Variants in LPIN1 observed in about 807,000 individuals in gnomAD.
LPIN1 encodes phosphatidate phosphatase LPIN1.
A neutral mutation model predicts 107.5 loss-of-function variants in LPIN1; 71 were observed. The ratio of observed to expected loss-of-function variants is 0.66; its 90% CI spans 0.55 to 0.80. The LOEUF (loss-of-function observed/expected upper bound fraction) is 0.80. Ranked by LOEUF, LPIN1 falls within the 30% of genes least tolerant of loss-of-function variation. LPIN1 has a pLI of 0.00. For missense variants in LPIN1, 1,043 were observed against 1,160.6 expected (o/e 0.90, Z 1.47); for synonymous variants, 445 against 452.6 (o/e 0.98, Z 0.21).
Position 11,815,172 on chromosome 2 carries a change from G to C in LPIN1, c.2334G>C (p.Glu778Asp). The C allele has an allele frequency of 6.2e-7, 1 of 1,614,200 alleles. No individual in the cohort carries two copies. Among genetic ancestry groups the C allele is most frequent in the Non-Finnish European group, 8.5e-7 (1 of 1,180,016 alleles). ...MTRGYLHWVN[E>D]RGTVLPQGPL... is the part of the protein sequence containing the mutation. Reference sequence around the variant, plus strand: ...GGGGCTACCTGCACTGGGTCAACGAGAGGGGCACGGTGCTGCCCCAGGGGC... The same window carrying C: ...GGGGCTACCTGCACTGGGTCAACGACAGGGGCACGGTGCTGCCCCAGGGGC... The change falls in exon 18 of 21, where the codon GAG becomes GAC. Residue 778 changes from glutamate to aspartate, a missense_variant. Transcript: ENST00000674199.
chr2:11,743,736 G>A (rs1305134540), upstream of LPIN1, among the ~76,000 whole-genome samples: 1 of 152,184 alleles, frequency 6.6e-6, no homozygotes, highest in African/African-American at 2.4e-5. This position sits in a 1 kb window ranked among gnomAD's most constrained non-coding sequence, Gnocchi z 4.7. Flanking sequence ...AGCTAACCAT[G>A]CTCAGAGTCC....
chr2:11,779,766 T>C (rs1351503737), intron 7 of LPIN1, 121 bp downstream of exon 7: 12 of 1,163,030 alleles, frequency 1.0e-5, no homozygotes, highest in Non-Finnish European at 1.5e-5. Flanking sequence ...TAAACCAAAA[T>C]ATATTAAGGG....
Position 11,697,445 on chromosome 2 carries a change from C to T in LPIN1, c.82-16311C>T, listed in dbSNP as rs896830561. Reference sequence around the variant, plus strand: ...CTGTGGGGCTGCACCAGGAGCTGTGCTCGGCTCCTGCTTCTCCCTGGTTTG... The same window carrying T: ...CTGTGGGGCTGCACCAGGAGCTGTGTTCGGCTCCTGCTTCTCCCTGGTTTG... On this transcript the variant is annotated intron_variant, in intron 1 of 21. Transcript: ENST00000449576. This position sits in a 1 kb window ranked among gnomAD's most constrained non-coding sequence, Gnocchi z 4.6. 6.6e-5 allele frequency among the ~76,000 whole-genome samples: 10 copies of T among 152,220 alleles called. No homozygotes were observed. Among genetic ancestry groups the T allele is most frequent in the African/African-American group, 2.4e-4 (10 of 41,464 alleles).
At chr2:11,763,729 G>C (rs11897144) in intron 1 of LPIN1, among the ~76,000 whole-genome samples, 86,921 of 151,024 alleles carry the variant, frequency 0.58, 26,063 homozygotes, top group African/African-American at 0.73. Context: ...TTCTTCCCTA[G>C]TGCACATTCT....
upstream of LPIN1, among the ~76,000 whole-genome samples, chr2:11,742,728 C>T (rs894645430): frequency 5.9e-5 from 9 of 152,228 alleles, no homozygotes; most frequent in Admixed American, 5.2e-4. Flanking sequence ...GTGTCTTAGC[C>T]CCGCTCATTA....
intron 2 of LPIN1, among the ~76,000 whole-genome samples, chr2:11,716,005 G>T (rs756048445): frequency 2.6e-5 from 4 of 152,182 alleles, no homozygotes; most frequent in Admixed American, 1.3e-4. Context: ...CAGGGGGGCA[G>T]CTTGGGGTCC....
intron 1 of LPIN1, among the ~76,000 whole-genome samples, chr2:11,684,299 A>G (rs1333281929): frequency 6.6e-6 from 1 of 152,118 alleles, no homozygotes; most frequent in East Asian, 1.9e-4. Context: ...TCATCCTCCC[A>G]GGTAGCTGGG....
chr2:11,729,952 A>G (rs1665026421), intron 1 of LPIN1, among the ~76,000 whole-genome samples: 1 of 152,036 alleles, frequency 6.6e-6, no homozygotes, highest in South Asian at 2.1e-4. Context: ...TTGGACCTAT[A>G]GCTTGGTGTC....
At chr2:11,704,438 T>G (rs1370020846) in intron 1 of LPIN1, among the ~76,000 whole-genome samples, 1 of 152,186 alleles carries the variant, frequency 6.6e-6, no homozygotes, top group African/African-American at 2.4e-5. Flanking sequence ...TGGATTGTGA[T>G]GTGTCCAGTG....
intron 12 of LPIN1, among the ~76,000 whole-genome samples, chr2:11,789,485 G>T (rs1282472733): frequency 1.3e-5 from 2 of 151,416 alleles, no homozygotes; most frequent in African/African-American, 4.9e-5. Flanking sequence ...TGCATGTGTG[G>T]ATGTGCACGT....
chr2:11,729,864 A>G (rs1360165971), intron 1 of LPIN1, among the ~76,000 whole-genome samples: 1 of 150,650 alleles, frequency 6.6e-6, no homozygotes, highest in Non-Finnish European at 1.5e-5. Flanking sequence ...TTCAAATAGA[A>G]AATGCCTCTG....
upstream of LPIN1, among the ~76,000 whole-genome samples, chr2:11,744,488 C>G (rs1352380490): frequency 6.6e-6 from 1 of 152,200 alleles, no homozygotes; most frequent in Non-Finnish European, 1.5e-5. Context: ...TGGGCAGCAG[C>G]GGGACCTAAT....
intron 14 of LPIN1, among the ~76,000 whole-genome samples, chr2:11,801,858 T>A (rs1035921684): frequency 6.6e-6 from 1 of 152,098 alleles, no homozygotes; most frequent in Non-Finnish European, 1.5e-5. Flanking sequence ...TAAATGCAAA[T>A]ATATACGTTT....
chr2:11,800,641 C>A (rs1384119856), intron 14 of LPIN1, among the ~76,000 whole-genome samples: 1 of 152,010 alleles, frequency 6.6e-6, no homozygotes, highest in Non-Finnish European at 1.5e-5. Context: ...CTTAAATGAA[C>A]ACTTATGGGG....
At chr2:11,716,801 G>A (rs981117563) in intron 2 of LPIN1, among the ~76,000 whole-genome samples, 1 of 152,070 alleles carries the variant, frequency 6.6e-6, no homozygotes, top group Non-Finnish European at 1.5e-5. Context: ...CACCTCCCCC[G>A]GCTCTATCCC....
At chr2:11,756,333 T>C (rs1451889963) in intron 1 of LPIN1, among the ~76,000 whole-genome samples, 1 of 152,240 alleles carries the variant, frequency 6.6e-6, no homozygotes, top group African/African-American at 2.4e-5. Flanking sequence ...AGCAGATTCC[T>C]GAATTGTCCA....
chr2:11,753,152 C>T (rs533414452), intron 1 of LPIN1, among the ~76,000 whole-genome samples: 2 of 152,238 alleles, frequency 1.3e-5, no homozygotes, highest in South Asian at 2.1e-4. Flanking sequence ...CACTTTGCCA[C>T]CCTGGAAGCT....
intron 20 of LPIN1, 28 bp from the exon 21 acceptor site, chr2:11,824,604 G>A (rs760649448): frequency 6.2e-7 from 1 of 1,613,750 alleles, no homozygotes; most frequent in Admixed American, 1.7e-5. Flanking sequence ...ATCGCTCAGT[G>A]CCAGTGACAA....
intron 14 of LPIN1, among the ~76,000 whole-genome samples, chr2:11,802,294 CA>C (rs1677889837): frequency 6.6e-6 from 1 of 152,066 alleles, no homozygotes; most frequent in African/African-American, 2.4e-5. Context: ...CCCCACTAAA[CA>C]AAAAAGTCTA....
Sources: gnomAD v4.1 joint callset for allele counts (sites outside exome capture counted in the v4.1 genomes callset) on GRCh38, gnomAD v4.1.1 for gene constraint, Gnocchi (gnomAD v3.1) non-coding constraint, MANE v1.5 for transcripts, NCBI Gene and HGNC (gene_info 2026-07-23, HGNC 2026-07-21) for gene names.